The following FGGY variants were observed in gnomAD, a reference collection of about 807,000 sequenced individuals.
FGGY encodes the protein FGGY carbohydrate kinase domain containing, also known as FGGY carbohydrate kinase domain-containing protein.
Under a neutral mutation model 71.3 loss-of-function variants are expected in FGGY, and 72 were observed. The ratio of observed to expected loss-of-function variants is 1.01; its 90% confidence interval spans 0.84 to 1.23. The LOEUF is 1.23. Among genes scored for constraint, FGGY ranks in the 50% most tolerant of loss-of-function variants. The pLI, the probability that FGGY is intolerant of heterozygous loss-of-function variation, is 0.00. For synonymous variants in FGGY, 251 were observed against 250.3 expected (o/e 1.00, Z -0.02); for missense variants, 668 against 682.3 (o/e 0.98, Z 0.23).
intron 8 of FGGY, among the ~76,000 whole-genome samples, chr1:59,557,566 A>G (rs1434853813): frequency 1.3e-5 from 2 of 152,250 alleles, no homozygotes; most frequent in African/African-American, 2.4e-5. Flanking sequence ...AGATACAAGC[A>G]TGGGCTGCAC....
chr1:59,633,693 G>A (rs1156335648), intron 10 of FGGY, among the ~76,000 whole-genome samples: 2 of 152,192 alleles, frequency 1.3e-5, no homozygotes, highest in East Asian at 3.9e-4. Flanking sequence ...CATCTAAGAG[G>A]AGGCATTTGA....
chr1:59,723,057 A>C (rs1051087729), intron 14 of FGGY, among the ~76,000 whole-genome samples: 3 of 152,182 alleles, frequency 2.0e-5, no homozygotes, highest in Non-Finnish European at 4.4e-5. Context: ...TCGGCCTCCC[A>C]AAGTGCTGGG....
intron 6 of FGGY, among the ~76,000 whole-genome samples, chr1:59,479,966 G>T (rs1447301840): frequency 6.6e-6 from 1 of 152,150 alleles, no homozygotes; most frequent in African/African-American, 2.4e-5. Context: ...TATCTAATCT[G>T]TTACCAAGTG....
At chr1:59,707,676 GAA>G in intron 14 of FGGY, among the ~76,000 whole-genome samples, 1 of 152,172 alleles carries the variant, frequency 6.6e-6, no homozygotes, top group East Asian at 1.9e-4. Context: ...CACCATGCAT[GAA>G]AATGGCTGAG....
chr1:59,681,783 T>TAC (rs372869163), intron 14 of FGGY, among the ~76,000 whole-genome samples: 25,606 of 136,966 alleles, frequency 0.19, 2,558 homozygotes, highest in Non-Finnish European at 0.25. Context: ...CCTTGAAAAA[T>TAC]ACACACACAC....
At chr1:59,332,002 T>G (rs2048584340) in intron 2 of FGGY, 1 of 152,218 alleles carries the variant, frequency 6.6e-6, no homozygotes, top group Non-Finnish European at 1.5e-5. Flanking sequence ...GCTTTGACCC[T>G]TGCTCTAAAT....
chr1:59,368,276 G>T (rs1198549816), intron 4 of FGGY, among the ~76,000 whole-genome samples: 1 of 152,204 alleles, frequency 6.6e-6, no homozygotes, highest in Non-Finnish European at 1.5e-5. Flanking sequence ...GTACGGAAAT[G>T]TGCTTAGAAG....
chr1:59,591,518 A>G (rs928293782), intron 8 of FGGY, among the ~76,000 whole-genome samples: 8 of 152,208 alleles, frequency 5.3e-5, no homozygotes, highest in Non-Finnish European at 8.8e-5. Flanking sequence ...TGGAGGCATC[A>G]CGCTACCTGA....
rs577287674 is a variant in FGGY at position 59,740,561 on chromosome 1, T to C, written c.1513-17370T>C. 3.3e-5 allele frequency among the ~76,000 whole-genome samples: 5 copies of C among 152,350 alleles called. No individual in the cohort carries two copies. The South Asian group carries it at 6.2e-4, about 19-fold the overall frequency. The stretch of plus-strand genomic sequence containing the variant: ...GATGGAAGTATTTACAACACAGAAA[T>C]TGGCAATTGATAAAATTAGGGCTTT... On this transcript the variant is annotated intron_variant, in intron 14 of 15. Coordinates refer to ENST00000303721, the MANE Select transcript of FGGY (RefSeq NM_018291.5).
chr1:59,369,205 C>A (rs1465773795), intron 4 of FGGY, among the ~76,000 whole-genome samples: 1 of 152,170 alleles, frequency 6.6e-6, no homozygotes, highest in Non-Finnish European at 1.5e-5. Flanking sequence ...GGGTCACTCC[C>A]ACCCGATACT....
chr1:59,433,292 G>C (rs866875844), intron 5 of FGGY, among the ~76,000 whole-genome samples: 3 of 152,280 alleles, frequency 2.0e-5, no homozygotes, highest in Middle Eastern at 6.8e-3. Context: ...TATCTGCTGG[G>C]AGACAAAATG....
intron 4 of FGGY, among the ~76,000 whole-genome samples, chr1:59,362,295 C>T (rs557104040): frequency 5.9e-5 from 9 of 151,972 alleles, no homozygotes; most frequent in African/African-American, 2.2e-4. Flanking sequence ...TTTCTCTTCC[C>T]TCTGTGTCAG....
intron 6 of FGGY, among the ~76,000 whole-genome samples, chr1:59,485,408 C>G (rs771440231): frequency 2.0e-5 from 3 of 152,116 alleles, no homozygotes; most frequent in Non-Finnish European, 4.4e-5. Flanking sequence ...TCTTTCCCTC[C>G]CCTGGGTCAG....
chr1:59,693,629 G>T (rs541040008), intron 14 of FGGY, among the ~76,000 whole-genome samples: 1 of 152,240 alleles, frequency 6.6e-6, no homozygotes, highest in East Asian at 1.9e-4. Context: ...TAATGGTAGT[G>T]GTGGTGGAGA....
At chr1:59,736,400 G>T (rs977393474) in intron 14 of FGGY, among the ~76,000 whole-genome samples, 1 of 152,130 alleles carries the variant, frequency 6.6e-6, no homozygotes, top group Non-Finnish European at 1.5e-5. Flanking sequence ...TCAGAAGATA[G>T]GAAAATGTGG....
At chr1:59,314,017 A>G (rs1257380869) in intron 1 of FGGY, among the ~76,000 whole-genome samples, 1 of 151,354 alleles carries the variant, frequency 6.6e-6, no homozygotes, top group East Asian at 1.9e-4. Flanking sequence ...CCCAGGCTAG[A>G]GTGCGGTAGC....
chr1:59,625,220 G>A (rs1310569330), intron 9 of FGGY, among the ~76,000 whole-genome samples: 1 of 152,060 alleles, frequency 6.6e-6, no homozygotes, highest in Non-Finnish European at 1.5e-5. Flanking sequence ...GTGTTGCTTG[G>A]GTGTGTTATG....
rs544428038 is a variant in FGGY at position 59,696,791 on chromosome 1, A to G, written c.1512+22658A>G. Among the ~76,000 whole-genome samples, 3 of 152,316 alleles carry G rather than the reference A, an allele frequency of 2.0e-5. No individual in the cohort carries two copies. In the South Asian group the frequency reaches 6.2e-4, roughly 32 times the overall value. ...GCAATGTGTACCTAAGAGTGTAGAC[A>G]CTATTAGCATTTGGAAAAATAGGAA... On this transcript the variant is annotated intron_variant, in intron 14 of 15. Transcript: ENST00000303721.
At chr1:59,718,985 G>T (rs1450614436) in intron 14 of FGGY, among the ~76,000 whole-genome samples, 1 of 152,074 alleles carries the variant, frequency 6.6e-6, no homozygotes, top group Non-Finnish European at 1.5e-5. Context: ...TTGCCCCTGG[G>T]GTACTTATAC....
Sources: gnomAD v4.1 joint callset for allele counts (sites outside exome capture counted in the v4.1 genomes callset) on GRCh38, gnomAD v4.1.1 for gene constraint, MANE v1.5 for transcripts, NCBI Gene and HGNC (gene_info 2026-07-23, HGNC 2026-07-21) for gene names.